GSE1: variants seen among roughly 807,000 people sequenced by gnomAD.
GSE1 encodes the protein genetic suppressor element 1.
GSE1 carries 32 observed loss-of-function variants against 112.6 expected under a neutral mutation model. The observed-to-expected ratio is 0.28, with a 90% CI of 0.21 to 0.38. The LOEUF (loss-of-function observed/expected upper bound fraction) is 0.38, where lower values mean the gene tolerates loss of function less well. Ranked by LOEUF, GSE1 falls within the 10% of genes least tolerant of loss-of-function variation. The probability of loss-of-function intolerance (pLI) is 1.00; values close to 1 mark genes in which losing one functional copy is unlikely to be tolerated. For missense variants in GSE1, 2,348 were observed against 1,699.2 expected, an observed-to-expected ratio of 1.38 and a Z score of -6.71; for synonymous variants, 1,115 against 735.6, an observed-to-expected ratio of 1.52 and a Z score of -8.35.
chr16:85,272,616 G>A (rs943768315), intron 1 of GSE1, among the ~76,000 whole-genome samples: 1 of 152,136 alleles, frequency 6.6e-6, no homozygotes, highest in African/African-American at 2.4e-5. Flanking sequence ...GAAGCCACGG[G>A]TGTGCGGGGA....
chr16:85,353,677 CAT>C (rs1479122944), intron 1 of GSE1, among the ~76,000 whole-genome samples: 2 of 152,302 alleles, frequency 1.3e-5, no homozygotes, highest in Admixed American at 6.5e-5. Context: ...TTAATAAAAA[CAT>C]GTTTAAAAAG....
intron 3 of GSE1, among the ~76,000 whole-genome samples, chr16:85,649,992 C>T (rs944685720): frequency 3.9e-5 from 6 of 152,174 alleles, no homozygotes; most frequent in South Asian, 4.1e-4. Context: ...CTGGGACCCC[C>T]GGGGCCTGAC....
In GSE1 at chr16:85,674,403, A is replaced by T. The variant is rs769519009; in HGVS notation, c.*1864A>T. On this transcript the variant is annotated 3_prime_UTR_variant, in exon 16 of 16. Coordinates refer to ENST00000253458, the MANE Select transcript of GSE1 (RefSeq NM_014615.5). ...TCTCCACAGAAGCAGCTGGAAGAGA[A>T]CTCGAGGGGCTGTGCTGCAGGCCTC... is the stretch of plus-strand genomic sequence containing the variant. 6.6e-6 allele frequency: 1 copy of T among 152,110 alleles called. No individual in the cohort carries two copies. Among genetic ancestry groups the T allele is most frequent in the Non-Finnish European group, 1.5e-5 (1 of 68,038 alleles). The allele number at this position is 152,110 out of a possible 1,614,324, so 9.4% of individuals were successfully genotyped here.
intron 1 of GSE1, among the ~76,000 whole-genome samples, chr16:85,613,653 C>G (rs1355562179): frequency 6.8e-6 from 1 of 147,310 alleles, no homozygotes; most frequent in South Asian, 2.2e-4. Context: ...GGAGTGCGCT[C>G]AGCGGGGGAT....
At chr16:85,468,069 C>T (rs2050175119) in intron 2 of GSE1, among the ~76,000 whole-genome samples, 1 of 152,172 alleles carries the variant, frequency 6.6e-6, no homozygotes, top group Non-Finnish European at 1.5e-5. Context: ...ACCCCCTGGC[C>T]TCCTCCCAAG....
intron 1 of GSE1, among the ~76,000 whole-genome samples, chr16:85,280,788 T>C (rs2044835029): frequency 6.6e-6 from 1 of 152,204 alleles, no homozygotes; most frequent in South Asian, 2.1e-4. Context: ...GCTGTGTCAG[T>C]GTCTCTCCAT....
intron 2 of GSE1, among the ~76,000 whole-genome samples, chr16:85,423,584 C>A (rs891516086): frequency 6.8e-6 from 1 of 147,636 alleles, no homozygotes; most frequent in African/African-American, 2.5e-5. Flanking sequence ...GGAACCCCAA[C>A]GAGAGAGGAG....
intron 14 of GSE1, among the ~76,000 whole-genome samples, chr16:85,670,251 G>C (rs2053219922): frequency 6.6e-6 from 1 of 152,288 alleles, no homozygotes; most frequent in Non-Finnish European, 1.5e-5. Context: ...CTTTCCTTTT[G>C]AATTTGTCTG....
rs2152033743 is a variant in GSE1 at position 85,672,810 on chromosome 16, ATTAT to A, written c.*274_*277del. On this transcript the variant is annotated 3_prime_UTR_variant, in exon 16 of 16. Transcript: ENST00000253458. ...GTGGTTTTCGCCCTTCCTCTCCCAC[ATTAT>A]TTCTTAATCTGAACATGAAGGCTCC... 3.9e-6 allele frequency: 1 copy of A among 258,362 alleles called. No individual in the cohort carries two copies. 16.0% of individuals were successfully genotyped at this position (258,362 alleles called of 1,614,324 possible). A position where few individuals can be genotyped will look rare whatever the true frequency, so the allele number is the denominator to read the frequency against.
intron 1 of GSE1, among the ~76,000 whole-genome samples, chr16:85,337,174 C>T (rs1326418953): frequency 6.6e-6 from 1 of 152,252 alleles, no homozygotes. Flanking sequence ...CCAGGCCACG[C>T]CTGTGGGCAC....
intron 1 of GSE1, among the ~76,000 whole-genome samples, chr16:85,576,586 C>T (rs1241168391): frequency 1.6e-4 from 25 of 152,126 alleles, no homozygotes; most frequent in Admixed American, 1.6e-3. Flanking sequence ...AGAAGCTGTC[C>T]CCAGACCCTT....
intron 1 of GSE1, among the ~76,000 whole-genome samples, chr16:85,624,521 G>C (rs2048942751): frequency 6.6e-6 from 1 of 152,238 alleles, no homozygotes; most frequent in Non-Finnish European, 1.5e-5. Flanking sequence ...AGCCGCCACA[G>C]GGTGAGAGCT....
intron 2 of GSE1, among the ~76,000 whole-genome samples, chr16:85,639,532 C>T (rs538557320): frequency 3.9e-5 from 6 of 152,182 alleles, no homozygotes; most frequent in Admixed American, 6.5e-5. Flanking sequence ...GTGTCGGGAT[C>T]CCCCCATCAT....
At chr16:85,374,038 G>T (rs2047359783) in intron 2 of GSE1, among the ~76,000 whole-genome samples, 1 of 152,218 alleles carries the variant, frequency 6.6e-6, no homozygotes, top group African/African-American at 2.4e-5. Context: ...GTGTACCTGT[G>T]TCTGTGTGCA....
rs1448916097 is a variant in GSE1, at chr16:85,666,229, G to T, written c.3012G>T (p.Leu1004=). 12 of 1,613,636 alleles carry T rather than the reference G, an allele frequency of 7.4e-6. No homozygotes were observed. The highest frequency in any genetic ancestry group is 2.7e-5 in the African/African-American group (2 of 74,936). Residue 1004 remains leucine (L), a synonymous_variant, in exon 13 of 16, where the codon CTG becomes CTT. Transcript: ENST00000253458. ...GAAPKDIPVP[L]SHSTNGKSKP... ...CACCCAAGGACATTCCTGTGCCGCT[G>T]TCCCACAGCACCAATGGGAAGAGCA... is the stretch of plus-strand genomic sequence containing the variant.
intron 2 of GSE1, 144 bp downstream of exon 2, chr16:85,634,276 G>A: frequency 3.3e-6 from 2 of 601,820 alleles, no homozygotes; most frequent in Non-Finnish European, 2.7e-6. Flanking sequence ...AGTGCTGGCT[G>A]AGCTACAGAC....
chr16:85,432,947 T>C (rs1426611314), intron 2 of GSE1, among the ~76,000 whole-genome samples: 1 of 152,114 alleles, frequency 6.6e-6, no homozygotes, highest in Admixed American at 6.5e-5. Flanking sequence ...GGGACTGATC[T>C]GGCATCCAGA....
chr16:85,359,932 G>T (rs1290814865), intron 2 of GSE1, among the ~76,000 whole-genome samples: 1 of 152,186 alleles, frequency 6.6e-6, no homozygotes, highest in Non-Finnish European at 1.5e-5. Flanking sequence ...TACTCAGGTG[G>T]CTGAGGTGGG....
rs181615054 is a variant in GSE1 at position 85,514,412 on chromosome 16, C to T, written c.2465-119502C>T. On this transcript the variant is annotated intron_variant, in intron 2 of 2. Coordinates refer to the GSE1 transcript ENST00000637419. ...CTCTGAGTCCTGCCCCCAGGATGCC[C>T]GCATGCTCTCGAGTCCCCCCCCCCA... is the stretch of plus-strand genomic sequence containing the variant. 3.5e-4 allele frequency among the ~76,000 whole-genome samples: 48 copies of T among 138,096 alleles called. 1 individual carries two copies. The highest frequency in any genetic ancestry group is 1.3e-3 in the African/African-American group (45 of 35,750). 90.6% of individuals were successfully genotyped at this position (138,096 alleles called of 152,430 possible). A position where few individuals can be genotyped will look rare whatever the true frequency, so the allele number is the denominator to read the frequency against.
Sources: gnomAD v4.1 joint callset for allele counts (sites outside exome capture counted in the v4.1 genomes callset) on GRCh38, gnomAD v4.1.1 for gene constraint, MANE v1.5 for transcripts, NCBI Gene and HGNC (gene_info 2026-07-23, HGNC 2026-07-21) for gene names.